CNTN5: variants seen among roughly 807,000 people sequenced by gnomAD.
The protein encoded by CNTN5 is contactin 5.
In CNTN5, 77 loss-of-function variants were observed where a neutral mutation model predicts 129.1. The observed-to-expected ratio is 0.60, with a 90% CI of 0.50 to 0.72. The LOEUF (loss-of-function observed/expected upper bound fraction) is 0.72. CNTN5 is among the 30% of genes least tolerant of loss of function. The pLI is 0.00. For synonymous variants in CNTN5, 509 were observed against 465.6 expected (o/e 1.09, Z -1.20); for missense variants, 1,478 against 1,328.8 (o/e 1.11, Z -1.75).
intron 6 of CNTN5, among the ~76,000 whole-genome samples, chr11:99,880,288 C>T (rs2135853604): frequency 6.6e-6 from 1 of 152,230 alleles, no homozygotes; most frequent in African/African-American, 2.4e-5. Flanking sequence ...TTTTGTAATT[C>T]ACAGAGTGGT....
At chr11:99,697,840 A>C (rs1954340385) in intron 3 of CNTN5, among the ~76,000 whole-genome samples, 1 of 151,716 alleles carries the variant, frequency 6.6e-6, no homozygotes, top group African/African-American at 2.4e-5. Context: ...CTTATAAAAC[A>C]AACTAAACAG....
At chr11:99,660,931 A>G (rs898002934) in intron 3 of CNTN5, among the ~76,000 whole-genome samples, 1 of 151,998 alleles carries the variant, frequency 6.6e-6, no homozygotes, top group Non-Finnish European at 1.5e-5. Context: ...ACTGCCAAAC[A>G]GGAGGGTTGA....
intron 21 of CNTN5, among the ~76,000 whole-genome samples, chr11:100,335,890 AAAT>A (rs1211925534): frequency 1.3e-5 from 2 of 152,120 alleles, no homozygotes; most frequent in East Asian, 1.9e-4. Context: ...TTTTAAATAA[AAAT>A]AATATTTGAG....
At chr11:99,384,683 T>G (rs979912566) in intron 2 of CNTN5, among the ~76,000 whole-genome samples, 2 of 152,234 alleles carry the variant, frequency 1.3e-5, no homozygotes, top group African/African-American at 2.4e-5. Context: ...ATTCTAATTA[T>G]CTTAAAGAAA....
intron 4 of CNTN5, among the ~76,000 whole-genome samples, chr11:99,832,397 C>T (rs778386377): frequency 1.2e-4 from 19 of 152,130 alleles, no homozygotes; most frequent in Non-Finnish European, 2.6e-4. Flanking sequence ...CCTCTGACCT[C>T]TCTTTTATAT....
At chr11:100,121,662 C>T (rs1946026861) in intron 13 of CNTN5, among the ~76,000 whole-genome samples, 1 of 151,908 alleles carries the variant, frequency 6.6e-6, no homozygotes, top group South Asian at 2.1e-4. Flanking sequence ...AATAGTATTT[C>T]CTGTTCTCCT....
intron 13 of CNTN5, among the ~76,000 whole-genome samples, chr11:100,187,665 G>T (rs1183251529): frequency 6.6e-6 from 1 of 152,040 alleles, no homozygotes; most frequent in African/African-American, 2.4e-5. Context: ...TCTTACCAAA[G>T]TTGACAAAAA....
Position 100,070,494 on chromosome 11 carries a change from T to A in CNTN5, c.1233T>A (p.Cys411Ter). The A allele has an allele frequency of 6.2e-7, 1 of 1,613,044 alleles. No homozygotes were observed. The highest frequency in any genetic ancestry group is 8.5e-7 in the Non-Finnish European group (1 of 1,179,416). Residue 411 changes from cysteine (C) to a stop codon, truncating the protein, a stop_gained, in exon 11 of 25, where the codon TGT (cysteine) becomes TGA (stop). Coordinates refer to ENST00000524871, the MANE Select transcript of CNTN5 (RefSeq NM_014361.4). LOFTEE classifies it high-confidence loss of function. ...LDSGSPLRWE[C>*]KATGKPRPTY... is the part of the protein sequence containing the mutation. ...GTGGGAGCCCTCTCCGATGGGAATG[T>A]AAGGCTACTGGAAAACCCAGACCCA...
intron 13 of CNTN5, among the ~76,000 whole-genome samples, chr11:100,179,207 C>A (rs866385291): frequency 7.2e-5 from 11 of 152,070 alleles, no homozygotes; most frequent in African/African-American, 2.7e-4. Context: ...CTATCGTCAT[C>A]TCCACCATCA....
intron 18 of CNTN5, among the ~76,000 whole-genome samples, chr11:100,281,150 CTG>C (rs1158003750): frequency 6.6e-6 from 1 of 152,040 alleles, no homozygotes; most frequent in Non-Finnish European, 1.5e-5. Flanking sequence ...TTATAATATT[CTG>C]TGTTTTCCTG....
intron 1 of CNTN5, among the ~76,000 whole-genome samples, chr11:99,161,058 C>G (rs1439854522): frequency 6.6e-6 from 1 of 151,986 alleles, no homozygotes; most frequent in Non-Finnish European, 1.5e-5. Context: ...AAAAAGTGGA[C>G]CACGGAGGGA....
intron 2 of CNTN5, among the ~76,000 whole-genome samples, chr11:99,334,027 A>G (rs1368059771): frequency 1.3e-5 from 2 of 151,870 alleles, no homozygotes; most frequent in South Asian, 2.1e-4. Flanking sequence ...TTAAAAATAT[A>G]AATTATCAAG....
chr11:100,044,152 A>G (rs1338030247), intron 9 of CNTN5, among the ~76,000 whole-genome samples: 1 of 107,948 alleles, frequency 9.3e-6, no homozygotes, highest in South Asian at 3.4e-4. Flanking sequence ...ATGTACACAC[A>G]TATATATTAC....
intron 9 of CNTN5, among the ~76,000 whole-genome samples, chr11:100,014,385 A>C (rs1224959642): frequency 6.6e-6 from 1 of 152,092 alleles, no homozygotes; most frequent in East Asian, 1.9e-4. Context: ...TTTTTCACAA[A>C]CATAGTTCAA....
intron 1 of CNTN5, among the ~76,000 whole-genome samples, chr11:99,062,123 A>T (rs2846726): frequency 1.3e-5 from 2 of 152,150 alleles, no homozygotes; most frequent in African/African-American, 4.8e-5. Flanking sequence ...GAAGAAAAAA[A>T]CCCAAGACAA....
intron 3 of CNTN5, among the ~76,000 whole-genome samples, chr11:99,577,381 T>A (rs1949389727): frequency 6.6e-6 from 1 of 152,120 alleles, no homozygotes; most frequent in Admixed American, 6.6e-5. Flanking sequence ...GGAAAATAAA[T>A]TGAGAGTACA....
chr11:99,623,403 A>G (rs755467140), intron 3 of CNTN5, among the ~76,000 whole-genome samples: 9 of 152,138 alleles, frequency 5.9e-5, no homozygotes, highest in Non-Finnish European at 1.0e-4. Context: ...GCTCTCAGCC[A>G]CTTCATCCCC....
chr11:99,275,196 A>AT (rs976231003), intron 1 of CNTN5, among the ~76,000 whole-genome samples: 2 of 150,970 alleles, frequency 1.3e-5, no homozygotes, highest in African/African-American at 4.9e-5. Flanking sequence ...TCATTGATAT[A>AT]TAAAAAAAAA....
At chr11:99,129,806 A>T (rs1858839768) in intron 1 of CNTN5, among the ~76,000 whole-genome samples, 1 of 152,192 alleles carries the variant, frequency 6.6e-6, no homozygotes, top group Non-Finnish European at 1.5e-5. Context: ...GGGAGCCAAT[A>T]TTCAATATCC....
Sources: allele counts gnomAD v4.1 joint callset (sites outside exome capture counted in the v4.1 genomes callset), GRCh38; gene constraint gnomAD v4.1.1; transcripts MANE v1.5; gene names NCBI Gene and HGNC (gene_info 2026-07-23, HGNC 2026-07-21).